The following DOCK3 variants were observed in gnomAD, a reference collection of about 807,000 sequenced individuals.
DOCK3 encodes the protein dedicator of cytokinesis protein 3.
DOCK3 carries 60 observed loss-of-function variants against 265.6 expected under a neutral mutation model. That is an observed-to-expected ratio of 0.23 (90% CI 0.18 to 0.28). The LOEUF (loss-of-function observed/expected upper bound fraction) is 0.28. Among genes scored for constraint, DOCK3 ranks in the 10% least tolerant of loss-of-function variants. The pLI is 1.00. For missense variants in DOCK3, 1,981 were observed against 2,594.3 expected (o/e 0.76, Z 5.14); for synonymous variants, 881 against 938.0 (o/e 0.94, Z 1.11).
At chr3:50,859,076 C>T (rs559812186) in intron 3 of DOCK3, among the ~76,000 whole-genome samples, 258 of 151,902 alleles carry the variant, frequency 1.7e-3, no homozygotes, top group Non-Finnish European at 3.0e-3. Flanking sequence ...TTCTTATTTT[C>T]CTTGGGTTTC....
intron 32 of DOCK3, among the ~76,000 whole-genome samples, chr3:51,324,596 C>G (rs1710034469): frequency 6.6e-6 from 1 of 152,132 alleles, no homozygotes; most frequent in Admixed American, 6.5e-5. Context: ...CAAAAAAGAG[C>G]CTGCATAGCC....
At chr3:51,262,805 G>A (rs2079932600) in intron 23 of DOCK3, among the ~76,000 whole-genome samples, 1 of 152,158 alleles carries the variant, frequency 6.6e-6, no homozygotes, top group Non-Finnish European at 1.5e-5. Flanking sequence ...TGATCAAGTG[G>A]AAGAAAGGAT....
chr3:51,177,987 C>T (rs555865921), intron 12 of DOCK3, among the ~76,000 whole-genome samples: 1 of 132,964 alleles, frequency 7.5e-6, no homozygotes, highest in East Asian at 2.2e-4. Context: ...GAGACTCCAT[C>T]TCAAAAAAAC....
chr3:50,984,855 G>A (rs909015805), intron 5 of DOCK3, among the ~76,000 whole-genome samples: 3 of 152,128 alleles, frequency 2.0e-5, no homozygotes, highest in Admixed American at 6.5e-5. Flanking sequence ...TATTGACATA[G>A]CATTTACATT....
intron 1 of DOCK3, among the ~76,000 whole-genome samples, chr3:50,745,303 C>T (rs1415989745): frequency 6.6e-6 from 1 of 152,074 alleles, no homozygotes; most frequent in Non-Finnish European, 1.5e-5. Flanking sequence ...ACCTCAGCCT[C>T]CCAAAGTGCT....
At chr3:51,249,974 C>A (rs1576538864) in intron 22 of DOCK3, among the ~76,000 whole-genome samples, 1 of 151,808 alleles carries the variant, frequency 6.6e-6, no homozygotes, top group East Asian at 1.9e-4. Flanking sequence ...TGTGACCTTA[C>A]CCCCAACCCT....
chr3:50,678,730 C>T (rs2034164382), intron 1 of DOCK3, among the ~76,000 whole-genome samples: 1 of 152,036 alleles, frequency 6.6e-6, no homozygotes, highest in African/African-American at 2.4e-5. Flanking sequence ...CAGCCTTGAA[C>T]TCCTGGGCTC....
intron 4 of DOCK3, among the ~76,000 whole-genome samples, chr3:50,891,973 G>C (rs1019617456): frequency 6.6e-6 from 1 of 152,054 alleles, no homozygotes; most frequent in East Asian, 1.9e-4. Context: ...ATTACACACA[G>C]AGCAGCCATA....
intron 1 of DOCK3, among the ~76,000 whole-genome samples, chr3:50,715,817 T>G (rs1559544686): frequency 6.6e-6 from 1 of 152,182 alleles, no homozygotes; most frequent in African/African-American, 2.4e-5. Context: ...AATTGTCTTC[T>G]GGTTGGCATT....
intron 29 of DOCK3, 55 bp from the exon 30 acceptor site, chr3:51,312,421 C>G (rs998593019): frequency 1.4e-6 from 2 of 1,455,220 alleles, no homozygotes; most frequent in East Asian, 4.5e-5. Flanking sequence ...TAGTAACGCT[C>G]CCTACAAGAT....
intron 7 of DOCK3, among the ~76,000 whole-genome samples, chr3:51,076,741 T>C (rs1054734626): frequency 9.9e-5 from 15 of 152,180 alleles, no homozygotes; most frequent in African/African-American, 3.6e-4. Context: ...TGTAGCATAA[T>C]TTAAGTATAC....
At chr3:51,233,692 A>T (rs974986516) in intron 19 of DOCK3, among the ~76,000 whole-genome samples, 2 of 152,106 alleles carry the variant, frequency 1.3e-5, no homozygotes, top group African/African-American at 4.8e-5. Context: ...CTCTGTAATT[A>T]TGCTTGTAGA....
intron 27 of DOCK3, among the ~76,000 whole-genome samples, chr3:51,305,985 G>A (rs1576732002): frequency 6.8e-6 from 1 of 147,692 alleles, no homozygotes; most frequent in African/African-American, 2.5e-5. Context: ...GACTACATGT[G>A]CACACCACCA....
intron 4 of DOCK3, among the ~76,000 whole-genome samples, chr3:50,917,001 A>T (rs2050166437): frequency 6.6e-6 from 1 of 152,072 alleles, no homozygotes; most frequent in Non-Finnish European, 1.5e-5. Context: ...GAATGTAATA[A>T]TGTTGAAATA....
intron 2 of DOCK3, among the ~76,000 whole-genome samples, chr3:50,834,461 A>C (rs2045384487): frequency 6.6e-6 from 1 of 152,154 alleles, no homozygotes; most frequent in African/African-American, 2.4e-5. Flanking sequence ...TAATTTTAGA[A>C]CACATACCAA....
intron 1 of DOCK3, among the ~76,000 whole-genome samples, chr3:50,757,141 C>T (rs2040205400): frequency 6.9e-6 from 1 of 144,034 alleles, no homozygotes; most frequent in Non-Finnish European, 1.5e-5. Context: ...GCGTGAGCCA[C>T]TGTGCCCAGT....
rs77721591 is a variant in DOCK3, at chr3:50,902,014, G to A, written c.218+11933G>A. Among the ~76,000 whole-genome samples, 1,007 of 152,224 alleles carry A rather than the reference G, an allele frequency of 6.6e-3. 6 individuals are homozygous for A. Among genetic ancestry groups the A allele is most frequent in the African/African-American group, 0.023 (941 of 41,548 alleles). On this transcript the variant is annotated intron_variant, in intron 4 of 52. Transcript: ENST00000266037. ...CCCCAGTATGTGTTGTTGGCTCCTT[G>A]AATGTCTCCTTTTGGGAAATGTCTG... is the stretch of plus-strand genomic sequence containing the variant.
chr3:51,267,100 A>G (rs2080220772), intron 23 of DOCK3, among the ~76,000 whole-genome samples: 1 of 152,186 alleles, frequency 6.6e-6, no homozygotes, highest in Non-Finnish European at 1.5e-5. Flanking sequence ...GAGAAATGCA[A>G]ATCAAAACCA....
chr3:51,208,717 C>A (rs2089349959), intron 12 of DOCK3, 57 bp from the exon 13 acceptor site: 2 of 1,418,634 alleles, frequency 1.4e-6, no homozygotes, highest in Non-Finnish European at 2.0e-6. Flanking sequence ...CACATTGGAA[C>A]ATCAGACCAG....
Sources: gnomAD v4.1 joint callset for allele counts (sites outside exome capture counted in the v4.1 genomes callset) on GRCh38, gnomAD v4.1.1 for gene constraint, MANE v1.5 for transcripts, NCBI Gene and HGNC (gene_info 2026-07-23, HGNC 2026-07-21) for gene names.